Variants in SLC16A9 observed in about 807,000 individuals in gnomAD.
SLC16A9 encodes solute carrier family 16 member 9.
Under a neutral mutation model 44.3 loss-of-function variants are expected in SLC16A9, and 26 were observed. The ratio of observed to expected loss-of-function variants is 0.59; its 90% CI spans 0.43 to 0.81. The LOEUF (loss-of-function observed/expected upper bound fraction) is 0.81, where lower values mean the gene tolerates loss of function less well. Among genes scored for constraint, SLC16A9 ranks in the 40% least tolerant of loss-of-function variants. The probability of loss-of-function intolerance (pLI) is 0.00; values close to 1 mark genes in which losing one functional copy is unlikely to be tolerated. For missense variants in SLC16A9, 559 were observed against 595.8 expected (o/e 0.94, Z 0.64); for synonymous variants, 230 against 225.1 (o/e 1.02, Z -0.19).
intron 3 of SLC16A9, among the ~76,000 whole-genome samples, chr10:59,669,579 A>G (rs1289751889): frequency 6.6e-6 from 1 of 152,194 alleles, no homozygotes; most frequent in Non-Finnish European, 1.5e-5. Context: ...GCTCACGCCT[A>G]TAATCCCAGC....
chr10:59,706,828 G>T (rs1840648442), intron 1 of SLC16A9, among the ~76,000 whole-genome samples: 1 of 151,866 alleles, frequency 6.6e-6, no homozygotes, highest in Non-Finnish European at 1.5e-5. Context: ...CAAAAAATTA[G>T]CCAGGCATGG....
chr10:59,692,678 G>T (rs965414219), intron 1 of SLC16A9, among the ~76,000 whole-genome samples: 3 of 152,036 alleles, frequency 2.0e-5, no homozygotes, highest in African/African-American at 4.8e-5. Context: ...AACCTGTTCA[G>T]CCAGAAGCAG....
chr10:59,657,152 G>C (rs368813282), intron 4 of SLC16A9, among the ~76,000 whole-genome samples: 1 of 152,114 alleles, frequency 6.6e-6, no homozygotes, highest in Admixed American at 6.5e-5. Context: ...ATTTATGCAC[G>C]CTGAAATGTA....
At chr10:59,702,470 G>A (rs925061047) in intron 1 of SLC16A9, among the ~76,000 whole-genome samples, 5 of 152,194 alleles carry the variant, frequency 3.3e-5, no homozygotes, top group Non-Finnish European at 7.3e-5. Flanking sequence ...GCTCAAAACT[G>A]TCATTCAGAG....
chr10:59,664,152 G>A (rs1839550882), intron 4 of SLC16A9, 75 bp downstream of exon 4: 4 of 975,154 alleles, frequency 4.1e-6, no homozygotes, highest in Non-Finnish European at 6.0e-6. Context: ...GGTTAAACAT[G>A]TCTGTGCTTG....
intron 2 of SLC16A9, among the ~76,000 whole-genome samples, chr10:59,675,057 G>C (rs1839829400): frequency 6.6e-6 from 1 of 152,148 alleles, no homozygotes; most frequent in Non-Finnish European, 1.5e-5. Context: ...ACAGCAAATG[G>C]AAACAGGGTT....
At chr10:59,696,931 G>A (rs1246466140) in intron 1 of SLC16A9, among the ~76,000 whole-genome samples, 1 of 10,606 alleles carries the variant, frequency 9.4e-5, no homozygotes, top group Non-Finnish European at 1.8e-3. Context: ...CGGGAGGGAG[G>A]TGGGGGGTCA....
intron 1 of SLC16A9, among the ~76,000 whole-genome samples, chr10:59,693,370 C>T (rs1840293912): frequency 6.6e-6 from 1 of 152,140 alleles, no homozygotes; most frequent in Non-Finnish European, 1.5e-5. Context: ...TTCAAGATGT[C>T]AGTGTATCAT....
At position 59,700,309 on chromosome 10, in the gene SLC16A9, G is replaced by A. The variant is rs566680209; in HGVS notation, c.-37+9170C>T. ...GGTACCTGTTGGTAGAATGAAAGCTGACAAATGCTGACTTTGTCTCATAAG... is the reference window on the plus strand; with the variant it reads ...GGTACCTGTTGGTAGAATGAAAGCTAACAAATGCTGACTTTGTCTCATAAG... On this transcript the variant is annotated intron_variant, in intron 1 of 5. Coordinates refer to ENST00000395348, the MANE Select transcript of SLC16A9 (RefSeq NM_194298.3). Among the ~76,000 whole-genome samples, 4 of 152,274 alleles carry A rather than the reference G, an allele frequency of 2.6e-5. No individual in the cohort carries two copies. In the East Asian group the frequency reaches 7.7e-4, roughly 29 times the overall value.
chr10:59,652,975 T>G (rs755870145), intron 5 of SLC16A9, 25 bp from the exon 6 acceptor site: 1 of 1,583,430 alleles, frequency 6.3e-7, no homozygotes, highest in African/African-American at 1.4e-5. Flanking sequence ...AGAAAAAAAG[T>G]AAGTTTCATG....
chr10:59,705,291 T>C (rs1291646430), intron 1 of SLC16A9, among the ~76,000 whole-genome samples: 1 of 152,148 alleles, frequency 6.6e-6, no homozygotes, highest in Non-Finnish European at 1.5e-5. Context: ...ACAGTCCTGC[T>C]ACAGGAATCA....
chr10:59,695,118 CAG>C (rs2132524495), intron 1 of SLC16A9, among the ~76,000 whole-genome samples: 1 of 151,838 alleles, frequency 6.6e-6, no homozygotes, highest in East Asian at 1.9e-4. Context: ...TCTGTAGAAA[CAG>C]AAAGTAGATT....
Position 59,652,838 on chromosome 10 carries a change from T to A in SLC16A9, c.1464A>T (p.Thr488=). ...LLLAALPSWD[T]CNKQLPKPAP... ...CTGGCTTGGGGAGTTGCTTGTTGCA[T>A]GTATCCCAAGAGGGCAAGGCTGCCA... is the stretch of plus-strand genomic sequence containing the variant. The change falls in exon 6 of 6, where the codon ACA becomes ACT. Residue 488 remains threonine (T), a synonymous_variant. Coordinates refer to ENST00000395348, the MANE Select transcript of SLC16A9 (RefSeq NM_194298.3). 6.2e-7 allele frequency: 1 copy of A among 1,613,998 alleles called. No individual in the cohort carries two copies. Among genetic ancestry groups the A allele is most frequent in the Non-Finnish European group, 8.5e-7 (1 of 1,179,930 alleles).
At chr10:59,687,780 G>A (rs1468683596) in intron 1 of SLC16A9, among the ~76,000 whole-genome samples, 3 of 152,068 alleles carry the variant, frequency 2.0e-5, no homozygotes, top group Non-Finnish European at 4.4e-5. Flanking sequence ...GGGCAACATA[G>A]TGAAACTCTA....
intron 2 of SLC16A9, among the ~76,000 whole-genome samples, chr10:59,676,397 C>T (rs996557767): frequency 1.3e-5 from 2 of 152,236 alleles, no homozygotes; most frequent in East Asian, 3.9e-4. Context: ...ATCTATTATT[C>T]CTCAGCACTG....
At chr10:59,679,055 A>G (rs778510646) in intron 2 of SLC16A9, among the ~76,000 whole-genome samples, 5 of 152,158 alleles carry the variant, frequency 3.3e-5, no homozygotes, top group Non-Finnish European at 5.9e-5. Flanking sequence ...GACTCGTATT[A>G]TGAGTTTGAA....
intron 2 of SLC16A9, among the ~76,000 whole-genome samples, chr10:59,677,275 G>C (rs1025436310): frequency 3.3e-5 from 5 of 151,692 alleles, no homozygotes; most frequent in African/African-American, 9.7e-5. Context: ...AAAAATTATA[G>C]AGACAGGGTC....
intron 4 of SLC16A9, among the ~76,000 whole-genome samples, chr10:59,655,800 T>C (rs1839337323): frequency 6.6e-6 from 1 of 152,366 alleles, no homozygotes; most frequent in African/African-American, 2.4e-5. Flanking sequence ...GTTGATCATA[T>C]GTTTAAAATG....
intron 1 of SLC16A9, among the ~76,000 whole-genome samples, chr10:59,700,660 C>A (rs1840502716): frequency 6.6e-6 from 1 of 152,206 alleles, no homozygotes; most frequent in Non-Finnish European, 1.5e-5. Flanking sequence ...ACTGTAGTTG[C>A]ATCTTTCAAA....
Sources: allele counts gnomAD v4.1 joint callset (sites outside exome capture counted in the v4.1 genomes callset), GRCh38; gene constraint gnomAD v4.1.1; transcripts MANE v1.5; gene names NCBI Gene and HGNC (gene_info 2026-07-23, HGNC 2026-07-21).